NSMCE2: variants seen among roughly 807,000 people sequenced by gnomAD.
NSMCE2 encodes the protein NSE2 SUMO ligase component of SMC5/6 complex.
In NSMCE2, 24 loss-of-function variants were observed where a neutral mutation model predicts 23.8. The observed-to-expected ratio is 1.01, with a 90% CI of 0.73 to 1.42. NSMCE2 has a LOEUF of 1.42. Among genes scored for constraint, NSMCE2 ranks in the 40% most tolerant of loss-of-function variants. The pLI is 0.00. For missense variants in NSMCE2, 284 were observed against 296.5 expected (o/e 0.96, Z 0.31); for synonymous variants, 92 against 94.1 (o/e 0.98, Z 0.13).
At chr8:125,274,501 G>A (rs138649337) in intron 5 of NSMCE2, among the ~76,000 whole-genome samples, 397 of 152,180 alleles carry the variant, frequency 2.6e-3, no homozygotes, top group African/African-American at 8.6e-3. Flanking sequence ...CCAGTTTTCA[G>A]TTAGACAAGT....
chr8:125,234,977 G>A (rs894635511), intron 5 of NSMCE2, among the ~76,000 whole-genome samples: 5 of 152,230 alleles, frequency 3.3e-5, no homozygotes, highest in Admixed American at 6.5e-5. Flanking sequence ...CTGGCCAGGC[G>A]TGGTGGCTCA....
At chr8:125,109,010 G>A (rs1262605003) in intron 3 of NSMCE2, among the ~76,000 whole-genome samples, 1 of 152,198 alleles carries the variant, frequency 6.6e-6, no homozygotes, top group Non-Finnish European at 1.5e-5. Flanking sequence ...TACTGAGGAA[G>A]GAAAGACTTC....
At chr8:125,151,348 C>A (rs1458719873) in intron 4 of NSMCE2, 71 bp downstream of exon 4, 4 of 721,996 alleles carry the variant, frequency 5.5e-6, no homozygotes, top group South Asian at 3.6e-5. Flanking sequence ...AACACAAAAT[C>A]AAAATTCTTC....
At chr8:125,135,917 TTGGCTTGTC>T (rs543427773) in intron 3 of NSMCE2, among the ~76,000 whole-genome samples, 137 of 152,344 alleles carry the variant, frequency 9.0e-4, no homozygotes, top group African/African-American at 3.3e-3. Context: ...AATTTTAGAC[TTGGCTTGTC>T]AATTTCTACA....
At chr8:125,103,111 C>G (rs959251441) in intron 3 of NSMCE2, among the ~76,000 whole-genome samples, 1 of 152,036 alleles carries the variant, frequency 6.6e-6, no homozygotes, top group African/African-American at 2.4e-5. Flanking sequence ...ACTAAAAATA[C>G]AAAACCAACA....
At chr8:125,339,819 C>G (rs1157176649) in intron 5 of NSMCE2, among the ~76,000 whole-genome samples, 1 of 152,192 alleles carries the variant, frequency 6.6e-6, no homozygotes, top group African/African-American at 2.4e-5. Flanking sequence ...ATGCTACAGT[C>G]GTGGGTTTCC....
At chr8:125,248,430 G>A (rs1480147497) in intron 5 of NSMCE2, among the ~76,000 whole-genome samples, 1 of 152,178 alleles carries the variant, frequency 6.6e-6, no homozygotes, top group Non-Finnish European at 1.5e-5. Context: ...GGCTAAGGCA[G>A]GCAGATCACT....
chr8:125,304,842 C>T (rs546724399), intron 5 of NSMCE2, among the ~76,000 whole-genome samples: 5 of 144,962 alleles, frequency 3.4e-5, no homozygotes, highest in South Asian at 2.2e-4. Flanking sequence ...GAGCTGAGAT[C>T]GTGCCACCTC....
At chr8:125,219,411 T>A (rs1824746352) in intron 5 of NSMCE2, among the ~76,000 whole-genome samples, 2 of 152,194 alleles carry the variant, frequency 1.3e-5, no homozygotes, top group Non-Finnish European at 2.9e-5. Context: ...TGCCTGGCAG[T>A]ACTTTAAAAG....
chr8:125,242,043 A>T (rs1428648522), intron 5 of NSMCE2, among the ~76,000 whole-genome samples: 1 of 152,202 alleles, frequency 6.6e-6, no homozygotes, highest in Non-Finnish European at 1.5e-5. Context: ...AGATTTCAAG[A>T]TGTCCATGTG....
At chr8:125,290,839 G>T (rs980160288) in intron 5 of NSMCE2, among the ~76,000 whole-genome samples, 1 of 152,154 alleles carries the variant, frequency 6.6e-6, no homozygotes, top group Non-Finnish European at 1.5e-5. Flanking sequence ...AAAGGATAAT[G>T]TAGTAGCACT....
chr8:125,348,403 G>C (rs1812873748), intron 5 of NSMCE2: 2 of 152,102 alleles, frequency 1.3e-5, no homozygotes, highest in South Asian at 4.1e-4. Context: ...TCATTGTGTA[G>C]GTGCTATTTG....
intron 5 of NSMCE2, among the ~76,000 whole-genome samples, chr8:125,343,813 G>A (rs965640364): frequency 2.6e-5 from 4 of 151,834 alleles, no homozygotes; most frequent in African/African-American, 4.8e-5. Flanking sequence ...GGCTAATTCG[G>A]TGAAACCCCG....
At chr8:125,217,046 A>C (rs1269834486) in intron 5 of NSMCE2, among the ~76,000 whole-genome samples, 1 of 152,218 alleles carries the variant, frequency 6.6e-6, no homozygotes, top group East Asian at 1.9e-4. Context: ...TTTATTAAGC[A>C]CCTATACTAT....
chr8:125,231,602 A>G (rs1447340497), intron 5 of NSMCE2, among the ~76,000 whole-genome samples: 1 of 152,222 alleles, frequency 6.6e-6, no homozygotes, highest in Non-Finnish European at 1.5e-5. Context: ...TACTTAAAAG[A>G]TTCTGAAAAA....
At chr8:125,165,064 A>G (rs1448856081) in intron 4 of NSMCE2, among the ~76,000 whole-genome samples, 1 of 152,216 alleles carries the variant, frequency 6.6e-6, no homozygotes, top group Non-Finnish European at 1.5e-5. Flanking sequence ...AGGATACTGC[A>G]ATTGGAGTCA....
chr8:125,349,008 A>G (rs919627299), intron 5 of NSMCE2: 1 of 118,922 alleles, frequency 8.4e-6, no homozygotes, highest in Non-Finnish European at 1.7e-5. Context: ...ATCTCAAAGC[A>G]AAACACACAC....
chr8:125,313,560 C>T (rs1829060169), intron 5 of NSMCE2, among the ~76,000 whole-genome samples: 1 of 152,152 alleles, frequency 6.6e-6, no homozygotes, highest in African/African-American at 2.4e-5. Context: ...AAGGACCTCA[C>T]GACTTGCCAG....
At chr8:125,328,607 G>C (rs1228460433) in intron 5 of NSMCE2, among the ~76,000 whole-genome samples, 1 of 152,196 alleles carries the variant, frequency 6.6e-6, no homozygotes, top group East Asian at 1.9e-4. Flanking sequence ...TTTCAAAAAT[G>C]TGGTCTTGAG....
Sources: allele counts gnomAD v4.1 joint callset (sites outside exome capture counted in the v4.1 genomes callset), GRCh38; gene constraint gnomAD v4.1.1; transcripts MANE v1.5; gene names NCBI Gene and HGNC (gene_info 2026-07-23, HGNC 2026-07-21).